NRXN3: variants seen among roughly 807,000 people sequenced by gnomAD.
NRXN3 encodes the protein neurexin III.
A neutral mutation model predicts 137.6 loss-of-function variants in NRXN3; 32 were observed. That is an observed-to-expected ratio of 0.23 (90% CI 0.18 to 0.31). NRXN3 has a LOEUF of 0.31. NRXN3 is among the 10% of genes least tolerant of loss of function. The pLI is 1.00. For synonymous variants in NRXN3, 798 were observed against 784.5 expected, an observed-to-expected ratio of 1.02 and a Z score of -0.29; for missense variants, 1,574 against 2,062.5, an observed-to-expected ratio of 0.76 and a Z score of 4.59.
At chr14:78,904,190 G>T (rs890531021) in intron 10 of NRXN3, among the ~76,000 whole-genome samples, 1 of 152,048 alleles carries the variant, frequency 6.6e-6, no homozygotes, top group African/African-American at 2.4e-5. Context: ...TAGGGCAGTT[G>T]TTCTCAACCA....
chr14:79,607,949 G>C (rs549846607), intron 16 of NRXN3, among the ~76,000 whole-genome samples: 2 of 152,264 alleles, frequency 1.3e-5, no homozygotes, highest in Non-Finnish European at 1.5e-5. Context: ...TGGGATTACA[G>C]ATGTGAGCCA....
At chr14:79,128,648 T>C (rs1216050477) in intron 15 of NRXN3, among the ~76,000 whole-genome samples, 1 of 152,214 alleles carries the variant, frequency 6.6e-6, no homozygotes, top group East Asian at 1.9e-4. Flanking sequence ...CTTTTTTGAT[T>C]GTGTCTCTGC....
chr14:79,777,427 G>T (rs2099100355), intron 19 of NRXN3, among the ~76,000 whole-genome samples: 1 of 151,062 alleles, frequency 6.6e-6, no homozygotes, highest in Non-Finnish European at 1.5e-5. Context: ...GACTGAAAAT[G>T]TGTTTCAAAC....
chr14:79,156,812 A>G (rs910160692), intron 15 of NRXN3, among the ~76,000 whole-genome samples: 5 of 151,656 alleles, frequency 3.3e-5, no homozygotes, highest in African/African-American at 1.2e-4. Flanking sequence ...TCTCACTCCC[A>G]TTTCTACTTC....
intron 15 of NRXN3, among the ~76,000 whole-genome samples, chr14:79,254,698 A>G (rs575057784): frequency 1.3e-5 from 2 of 152,288 alleles, no homozygotes; most frequent in African/African-American, 4.8e-5. Context: ...GAGGAAAAGA[A>G]AGAACTGCAT....
chr14:79,517,789 T>C (rs1205736732), intron 16 of NRXN3, among the ~76,000 whole-genome samples: 1 of 152,032 alleles, frequency 6.6e-6, no homozygotes, highest in Non-Finnish European at 1.5e-5. Context: ...GCTGTATTGG[T>C]CTGTCAGTGC....
intron 9 of NRXN3, among the ~76,000 whole-genome samples, chr14:78,809,478 G>A (rs1263522180): frequency 6.6e-6 from 1 of 152,132 alleles, no homozygotes; most frequent in South Asian, 2.1e-4. Flanking sequence ...TGATCTGGGA[G>A]CCTTTGAATC....
intron 19 of NRXN3, among the ~76,000 whole-genome samples, chr14:79,720,229 A>G (rs1265741365): frequency 6.6e-6 from 1 of 152,054 alleles, no homozygotes; most frequent in Non-Finnish European, 1.5e-5. Context: ...CCCATTTATA[A>G]AACCATCAGA....
intron 1 of NRXN3, among the ~76,000 whole-genome samples, chr14:78,218,376 T>C (rs914545007): frequency 3.9e-5 from 6 of 152,022 alleles, no homozygotes; most frequent in African/African-American, 1.4e-4. Flanking sequence ...TTTCCCAAAG[T>C]CTTTACTTGA....
In NRXN3 at chr14:78,702,857, A is replaced by G. The variant is rs937041685; in HGVS notation, c.1222-6360A>G. Reference sequence around the variant, plus strand: ...GCCATCACTTATTGAGTGCTTATCAAGGGTCAGAAACTATGTGAAGTACTT... The same window carrying G: ...GCCATCACTTATTGAGTGCTTATCAGGGGTCAGAAACTATGTGAAGTACTT... On this transcript the variant is annotated intron_variant, in intron 6 of 20. Coordinates refer to ENST00000335750, the MANE Select transcript of NRXN3 (RefSeq NM_001330195.2). Among the ~76,000 whole-genome samples the G allele has an allele frequency of 2.0e-5, 3 of 152,214 alleles. No homozygotes were observed. In the East Asian group the frequency reaches 5.8e-4, roughly 29 times the overall value.
At chr14:78,257,560 A>C (rs748452192) in intron 2 of NRXN3, among the ~76,000 whole-genome samples, 1 of 152,240 alleles carries the variant, frequency 6.6e-6, no homozygotes, top group Non-Finnish European at 1.5e-5. Flanking sequence ...TGGGCAGGAC[A>C]TGGAAGCATT....
At chr14:78,663,785 G>A (rs922673744) in intron 6 of NRXN3, among the ~76,000 whole-genome samples, 1 of 152,028 alleles carries the variant, frequency 6.6e-6, no homozygotes, top group South Asian at 2.1e-4. Flanking sequence ...TACAGCAAAT[G>A]TAATCTACCA....
At chr14:78,584,526 C>T (rs2097040761) in intron 4 of NRXN3, among the ~76,000 whole-genome samples, 1 of 152,194 alleles carries the variant, frequency 6.6e-6, no homozygotes, top group Non-Finnish European at 1.5e-5. Flanking sequence ...CACACACCAT[C>T]CCTAGTTCTT....
At chr14:79,509,557 G>GTC (rs2096912263) in intron 16 of NRXN3, among the ~76,000 whole-genome samples, 1 of 150,468 alleles carries the variant, frequency 6.6e-6, no homozygotes, top group African/African-American at 2.4e-5. Context: ...GTGTGTGTGT[G>GTC]CATGTATGTA....
At chr14:78,793,675 G>A (rs963680946) in intron 8 of NRXN3, among the ~76,000 whole-genome samples, 3 of 152,064 alleles carry the variant, frequency 2.0e-5, no homozygotes, top group African/African-American at 7.2e-5. Flanking sequence ...GGTTTTTACC[G>A]GAGGTCAGTC....
In NRXN3 at chr14:78,256,219, C is replaced by T. The variant is rs146370581; in HGVS notation, c.709+12417C>T. Among the ~76,000 whole-genome samples the T allele has an allele frequency of 5.9e-3, 901 of 152,258 alleles. 25 individuals carry two copies. Among genetic ancestry groups the T allele is most frequent in the Admixed American group, 0.052 (788 of 15,286 alleles). On this transcript the variant is annotated intron_variant, in intron 2 of 20. Coordinates refer to ENST00000335750, the MANE Select transcript of NRXN3 (RefSeq NM_001330195.2). ...TCACTGGAGATGGAGAGGCCCCACT[C>T]GCTCATGTGGATTCCCTGGGGAAGA...
chr14:79,840,626 A>G (rs1057261728), intron 20 of NRXN3, among the ~76,000 whole-genome samples: 2 of 152,124 alleles, frequency 1.3e-5, no homozygotes, highest in South Asian at 2.1e-4. Context: ...CGGCCATTCA[A>G]TTTTTTAAGT....
chr14:78,503,750 A>G (rs1471234520), intron 4 of NRXN3, among the ~76,000 whole-genome samples: 1 of 152,134 alleles, frequency 6.6e-6, no homozygotes, highest in Non-Finnish European at 1.5e-5. Flanking sequence ...GTGACAACCA[A>G]CAAAAGGAGG....
chr14:79,731,109 A>G (rs1168925928), intron 19 of NRXN3, among the ~76,000 whole-genome samples: 1 of 152,188 alleles, frequency 6.6e-6, no homozygotes, highest in Non-Finnish European at 1.5e-5. Flanking sequence ...GTAGAGAAAA[A>G]TAGTGGTGTT....
Sources: gnomAD v4.1 joint callset for allele counts (sites outside exome capture counted in the v4.1 genomes callset) on GRCh38, gnomAD v4.1.1 for gene constraint, MANE v1.5 for transcripts, NCBI Gene and HGNC (gene_info 2026-07-23, HGNC 2026-07-21) for gene names.